FBXW11: variants seen among roughly 807,000 people sequenced by gnomAD.
The protein encoded by FBXW11 is F-box and WD repeat domain containing 11, also known as F-box/WD repeat-containing protein 11.
In FBXW11, 19 loss-of-function variants were observed where a neutral mutation model predicts 77.6. The observed-to-expected ratio is 0.24, with a 90% CI of 0.17 to 0.36. The LOEUF (loss-of-function observed/expected upper bound fraction) is 0.36, where lower values mean the gene tolerates loss of function less well. Among genes scored for constraint, FBXW11 ranks in the 10% least tolerant of loss-of-function variants. The pLI, the probability that FBXW11 is intolerant of heterozygous loss-of-function variation, is 1.00. For missense variants in FBXW11, 334 were observed against 704.2 expected (o/e 0.47, Z 5.95); for synonymous variants, 235 against 249.4 (o/e 0.94, Z 0.54).
intron 1 of FBXW11, among the ~76,000 whole-genome samples, chr5:172,002,746 G>A (rs1375464222): frequency 7.8e-6 from 1 of 127,538 alleles, no homozygotes; most frequent in Non-Finnish European, 1.5e-5. Context: ...TACCCAGGCT[G>A]GAGTGCAGTG....
intron 6 of FBXW11, among the ~76,000 whole-genome samples, chr5:171,892,415 C>T (rs1421423018): frequency 2.0e-5 from 3 of 152,224 alleles, no homozygotes; most frequent in East Asian, 1.9e-4. Context: ...AATCAGTAAT[C>T]GGACTAGCTG....
chr5:171,979,415 T>A (rs1024473900), intron 1 of FBXW11, among the ~76,000 whole-genome samples: 1 of 152,186 alleles, frequency 6.6e-6, no homozygotes, highest in South Asian at 2.1e-4. Flanking sequence ...TTAATAGTAG[T>A]TATAATGGAA....
intron 7 of FBXW11, among the ~76,000 whole-genome samples, chr5:171,878,376 C>T (rs554443298): frequency 6.6e-6 from 1 of 152,310 alleles, no homozygotes; most frequent in African/African-American, 2.4e-5. Flanking sequence ...TACTTATCAA[C>T]AGCCTCATAA....
chr5:171,873,020 A>G (rs369727246), intron 9 of FBXW11, 30 bp from the exon 10 acceptor site: 702 of 1,567,760 alleles, frequency 4.5e-4, no homozygotes, highest in Non-Finnish European at 5.9e-4. Context: ...TATTTTAAAG[A>G]ATGAACACAG....
chr5:171,914,289 C>T, intron 3 of FBXW11, 54 bp downstream of exon 3: 1 of 1,436,326 alleles, frequency 7.0e-7, no homozygotes, highest in Non-Finnish European at 9.6e-7. Flanking sequence ...ACTGAGGGAG[C>T]ATCCTATCTA....
chr5:171,903,210 CCTCAACCTCCCAA>C (rs1760255871), intron 4 of FBXW11, among the ~76,000 whole-genome samples: 2 of 152,160 alleles, frequency 1.3e-5, no homozygotes, highest in Non-Finnish European at 2.9e-5. Flanking sequence ...AATCCTCCCA[CCTCAACCTCCCAA>C]GTAACTAGGA....
intron 2 of FBXW11, among the ~76,000 whole-genome samples, chr5:171,925,237 C>T (rs1284173915): frequency 6.6e-6 from 1 of 152,216 alleles, no homozygotes; most frequent in Non-Finnish European, 1.5e-5. Context: ...TTGAAAACCC[C>T]TGAAAAACCC....
Position 172,006,606 on chromosome 5 carries a change from C to A in FBXW11, c.-104G>T. ...CAGAGGCGGAGGCGGCTATCGCACCCACTCTAGCTGCCAGCCCGCCCGGGC... is the reference window on the plus strand; with the variant it reads ...CAGAGGCGGAGGCGGCTATCGCACCAACTCTAGCTGCCAGCCCGCCCGGGC... On this transcript the variant is annotated 5_prime_UTR_variant, in exon 1 of 14. Transcript: ENST00000517395. 11 of 1,348,706 alleles carry A rather than the reference C, an allele frequency of 8.2e-6. No homozygotes were observed. Among genetic ancestry groups the A allele is most frequent in the South Asian group, 1.8e-5 (1 of 55,194 alleles). 83.5% of individuals were successfully genotyped at this position (1,348,706 alleles called of 1,614,324 possible). A position where few individuals can be genotyped will look rare whatever the true frequency, so the allele number is the denominator to read the frequency against.
At chr5:171,908,487 T>A (rs751287825) in intron 4 of FBXW11, among the ~76,000 whole-genome samples, 1 of 152,190 alleles carries the variant, frequency 6.6e-6, no homozygotes, top group South Asian at 2.1e-4. Flanking sequence ...CTTCCTAATC[T>A]ACACAATGAA....
rs938238469 is a variant in FBXW11 at position 171,910,453 on chromosome 5, C to T, written c.436+119G>A. 7.3e-5 allele frequency: 43 copies of T among 591,018 alleles called. No homozygotes were observed. The East Asian group carries it at 7.6e-4, about 10-fold the overall frequency. 36.6% of individuals were successfully genotyped at this position (591,018 alleles called of 1,614,324 possible). ...CTCGAGTTCCATATATTAAAGTATG[C>T]GTCCCAAAGAAATGCTGCCTCACAC... On this transcript the variant is annotated intron_variant, in intron 4 of 13. Transcript: ENST00000517395.
At chr5:171,966,777 T>G (rs181602670) in intron 1 of FBXW11, among the ~76,000 whole-genome samples, 2 of 152,296 alleles carry the variant, frequency 1.3e-5, no homozygotes, top group East Asian at 3.9e-4. Context: ...AACCCTAAGT[T>G]TAATCTTTTT....
At chr5:171,976,146 C>T (rs536948760) in intron 1 of FBXW11, among the ~76,000 whole-genome samples, 153 of 152,232 alleles carry the variant, frequency 1.0e-3, no homozygotes, top group Non-Finnish European at 1.7e-3. Flanking sequence ...GTTGAAGTAA[C>T]AGTGAGATAA....
chr5:171,963,338 A>G (rs140270093), intron 1 of FBXW11, among the ~76,000 whole-genome samples: 1 of 152,208 alleles, frequency 6.6e-6, no homozygotes, highest in South Asian at 2.1e-4. Flanking sequence ...AAGAATACAT[A>G]GCATAAGCAA....
At chr5:171,927,378 G>T (rs1485860881) in intron 2 of FBXW11, among the ~76,000 whole-genome samples, 1 of 152,146 alleles carries the variant, frequency 6.6e-6, no homozygotes, top group African/African-American at 2.4e-5. Context: ...AGCAAGAAAA[G>T]AGTGGCAATA....
intron 3 of FBXW11, among the ~76,000 whole-genome samples, chr5:171,913,876 A>ACAC (rs1306973817): frequency 3.0e-5 from 3 of 100,136 alleles, no homozygotes; most frequent in Non-Finnish European, 6.6e-5. Flanking sequence ...CACACACACA[A>ACAC]CCTGGGAAAT....
In FBXW11 at chr5:171,955,212, C is replaced by T. The variant is rs138624771; in HGVS notation, c.147+2385G>A. Among the ~76,000 whole-genome samples, 4 of 152,248 alleles carry T rather than the reference C, an allele frequency of 2.6e-5. No homozygotes were observed. In the East Asian group the frequency reaches 5.8e-4, roughly 22 times the overall value. On this transcript the variant is annotated intron_variant, in intron 2 of 13. Transcript: ENST00000517395. ...ACTACTATCTTCCCTCCGGCTTTTTCGAAAGGTAAACTAAAATTCAGCCAT... is the reference window on the plus strand; with the variant it reads ...ACTACTATCTTCCCTCCGGCTTTTTTGAAAGGTAAACTAAAATTCAGCCAT...
In FBXW11 at chr5:171,883,493, G is replaced by A. The variant is rs143263070; in HGVS notation, c.853-5364C>T. The stretch of plus-strand genomic sequence containing the variant: ...GTATACATATGTAACAAACCTGCAC[G>A]TTGAGCACATGTACCCTAAAACTTA... On this transcript the variant is annotated intron_variant, in intron 7 of 13. Transcript: ENST00000517395. Among the ~76,000 whole-genome samples the A allele has an allele frequency of 9.7e-3, 1,470 of 152,224 alleles. 26 individuals carry two copies. The highest frequency in any genetic ancestry group is 0.034 in the African/African-American group (1,394 of 41,532).
intron 7 of FBXW11, among the ~76,000 whole-genome samples, chr5:171,878,978 G>A (rs1758325750): frequency 1.3e-5 from 2 of 152,096 alleles, no homozygotes; most frequent in Non-Finnish European, 2.9e-5. Context: ...AGTGTTTAAT[G>A]AGAAAATATC....
chr5:172,000,077 T>C (rs949221119), intron 1 of FBXW11, among the ~76,000 whole-genome samples: 2 of 152,290 alleles, frequency 1.3e-5, no homozygotes, highest in South Asian at 4.2e-4. Flanking sequence ...TCTTAAGCAA[T>C]TGCGATCAGC....
Sources: gnomAD v4.1 joint callset for allele counts (sites outside exome capture counted in the v4.1 genomes callset) on GRCh38, gnomAD v4.1.1 for gene constraint, MANE v1.5 for transcripts, NCBI Gene and HGNC (gene_info 2026-07-23, HGNC 2026-07-21) for gene names.